Variants in RPTOR observed in about 807,000 individuals in gnomAD.
RPTOR encodes regulatory associated protein of MTOR complex 1.
RPTOR carries 21 observed loss-of-function variants against 169.9 expected under a neutral mutation model. The ratio of observed to expected loss-of-function variants is 0.12; its 90% CI spans 0.09 to 0.18. The LOEUF is 0.18. Ranked by LOEUF, RPTOR falls within the 10% of genes least tolerant of loss-of-function variation. The pLI, the probability that RPTOR is intolerant of heterozygous loss-of-function variation, is 1.00. For synonymous variants in RPTOR, 732 were observed against 753.2 expected (o/e 0.97, Z 0.46); for missense variants, 1,133 against 1,855.9 (o/e 0.61, Z 7.16).
At chr17:80,837,708 C>T (rs756807162) in intron 9 of RPTOR, among the ~76,000 whole-genome samples, 7 of 152,176 alleles carry the variant, frequency 4.6e-5, no homozygotes, top group Non-Finnish European at 8.8e-5. Context: ...CCAGCGTTCC[C>T]GGCCTGCACT....
rs570729158 is a variant in RPTOR, at chr17:80,878,339, G to C, written c.1510-2076G>C. Among the ~76,000 whole-genome samples, 5 of 152,096 alleles carry C rather than the reference G, an allele frequency of 3.3e-5. No homozygotes were observed. In the South Asian group the frequency reaches 1.0e-3, roughly 32 times the overall value. ...TGCGTGGTTTCATCTCTGACTCCAC[G>C]ACCTGAGCACAGATTTTTTTTTTTT... On this transcript the variant is annotated intron_variant, in intron 13 of 33. Coordinates refer to ENST00000306801, the MANE Select transcript of RPTOR (RefSeq NM_020761.3). The surrounding 1 kb of genome is among the most constrained non-coding windows in gnomAD (Gnocchi z 4.1).
At chr17:80,711,154 A>G (rs1215630814) in intron 4 of RPTOR, among the ~76,000 whole-genome samples, 1 of 152,164 alleles carries the variant, frequency 6.6e-6, no homozygotes, top group East Asian at 1.9e-4. Context: ...ACTCACCAGT[A>G]TCGGGGGTAT....
intron 16 of RPTOR, among the ~76,000 whole-genome samples, chr17:80,884,343 G>A (rs1051850919): frequency 1.3e-5 from 2 of 152,232 alleles, no homozygotes; most frequent in Non-Finnish European, 2.9e-5. Context: ...GCTCGTGCCT[G>A]GTGCAGCTGG....
chr17:80,947,286 A>G lies in RPTOR; in HGVS notation c.3200A>G (p.Tyr1067Cys). ...LDYFHNGNPR[Y>C]TRVTAMEYLN... ...TATTTCCACAATGGGAACCCTCGGTACACGAGGGTCACTGCCATGGAGTAT... is the reference window on the plus strand; with the variant it reads ...TATTTCCACAATGGGAACCCTCGGTGCACGAGGGTCACTGCCATGGAGTAT... Residue 1067 changes from tyrosine to cysteine, a missense_variant, in exon 27 of 34, where the codon TAC becomes TGC. Tyr to Cys is a radical substitution (Grantham distance 194). Coordinates refer to ENST00000306801, the MANE Select transcript of RPTOR (RefSeq NM_020761.3). The surrounding 1 kb of genome is among the most constrained non-coding windows in gnomAD (Gnocchi z 4.4). 1 of 1,606,434 alleles carries G rather than the reference A, an allele frequency of 6.2e-7. No individual in the cohort carries two copies.
chr17:80,604,454 C>G (rs562607440), intron 1 of RPTOR, among the ~76,000 whole-genome samples: 1 of 152,102 alleles, frequency 6.6e-6, no homozygotes, highest in Non-Finnish European at 1.5e-5. Context: ...TATCTTTGGA[C>G]AAAATAATGA....
intron 13 of RPTOR, among the ~76,000 whole-genome samples, chr17:80,868,379 T>C (rs1016394603): frequency 1.3e-5 from 2 of 152,088 alleles, no homozygotes; most frequent in African/African-American, 2.4e-5. Context: ...CCCACAGTCT[T>C]ATACCACTGC....
chr17:80,904,252 G>A (rs555404753), intron 20 of RPTOR, among the ~76,000 whole-genome samples: 152 of 152,304 alleles, frequency 1.0e-3, no homozygotes, highest in African/African-American at 3.3e-3. Flanking sequence ...GGGCCGCTGC[G>A]GAAGCCCTCG....
chr17:80,687,051 C>T (rs981251800), intron 3 of RPTOR, among the ~76,000 whole-genome samples: 9 of 152,312 alleles, frequency 5.9e-5, no homozygotes, highest in East Asian at 3.9e-4. Flanking sequence ...CATCACCCCA[C>T]GCAATGCCTC....
intron 6 of RPTOR, among the ~76,000 whole-genome samples, chr17:80,785,497 T>C (rs2066982263): frequency 6.6e-6 from 1 of 152,166 alleles, no homozygotes; most frequent in Admixed American, 6.5e-5. Flanking sequence ...TCGGCACTAG[T>C]GAGGTTTCTG....
At chr17:80,584,396 A>AT (rs1473549164) in intron 1 of RPTOR, among the ~76,000 whole-genome samples, 3 of 152,102 alleles carry the variant, frequency 2.0e-5, no homozygotes, top group African/African-American at 7.2e-5. Context: ...AAGGTGACTC[A>AT]TAAATAACTG....
chr17:80,713,943 A>C (rs963548376), intron 4 of RPTOR, among the ~76,000 whole-genome samples: 15 of 152,224 alleles, frequency 9.9e-5, no homozygotes, highest in African/African-American at 3.6e-4. Context: ...TGATAGTTAA[A>C]AAATTTTTTT....
intron 1 of RPTOR, among the ~76,000 whole-genome samples, chr17:80,623,062 C>T (rs956606757): frequency 6.6e-6 from 1 of 152,156 alleles, no homozygotes; most frequent in Non-Finnish European, 1.5e-5. Context: ...TACTTAAAAT[C>T]AGTCGCCAGC....
chr17:80,886,677 C>G (rs1211513206), intron 17 of RPTOR, among the ~76,000 whole-genome samples: 6 of 152,258 alleles, frequency 3.9e-5, no homozygotes, highest in Admixed American at 3.9e-4. Flanking sequence ...TGCTGAGGCA[C>G]TGAGACGAAG....
At chr17:80,553,849 C>T (rs2143220332) in intron 1 of RPTOR, among the ~76,000 whole-genome samples, 1 of 152,096 alleles carries the variant, frequency 6.6e-6, no homozygotes, top group African/African-American at 2.4e-5. Flanking sequence ...TCAAGCAATT[C>T]TCCTGCCTCA....
At chr17:80,578,126 T>C (rs535591218) in intron 1 of RPTOR, among the ~76,000 whole-genome samples, 50 of 151,934 alleles carry the variant, frequency 3.3e-4, no homozygotes, top group Non-Finnish European at 6.0e-4. Flanking sequence ...GCTGAGATAG[T>C]GAAGGGATGC....
chr17:80,665,451 TCC>T (rs2065764870), intron 3 of RPTOR, among the ~76,000 whole-genome samples: 2 of 25,050 alleles, frequency 8.0e-5, no homozygotes, highest in African/African-American at 8.4e-4. Flanking sequence ...TCCTTTCCTT[TCC>T]TTTCCTTTCC....
intron 3 of RPTOR, among the ~76,000 whole-genome samples, chr17:80,661,039 C>CT (rs1031820669): frequency 2.6e-5 from 4 of 152,224 alleles, no homozygotes; most frequent in African/African-American, 9.6e-5. Flanking sequence ...TTCTCGGGCT[C>CT]TTTTTCTTCT....
intron 24 of RPTOR, among the ~76,000 whole-genome samples, chr17:80,929,730 C>A (rs144720895): frequency 6.6e-6 from 1 of 152,192 alleles, no homozygotes; most frequent in Non-Finnish European, 1.5e-5. Flanking sequence ...GAAGGAGCGA[C>A]TTGAGATGGC....
intron 1 of RPTOR, among the ~76,000 whole-genome samples, chr17:80,585,322 A>G (rs1314248860): frequency 6.6e-6 from 1 of 151,618 alleles, no homozygotes; most frequent in Non-Finnish European, 1.5e-5. Context: ...CTCCTGCCTC[A>G]GCCTCCTGAG....
Sources: allele counts gnomAD v4.1 joint callset (sites outside exome capture counted in the v4.1 genomes callset), GRCh38; gene constraint gnomAD v4.1.1; non-coding constraint Gnocchi (gnomAD v3.1); transcripts MANE v1.5; gene names NCBI Gene and HGNC (gene_info 2026-07-23, HGNC 2026-07-21).